The following RNF19A variants were observed in gnomAD, a reference collection of about 807,000 sequenced individuals.
The protein encoded by RNF19A is E3 ubiquitin-protein ligase RNF19A.
Under a neutral mutation model 75.7 loss-of-function variants are expected in RNF19A, and 32 were observed. The observed-to-expected ratio is 0.42, with a 90% CI of 0.32 to 0.57. The LOEUF (loss-of-function observed/expected upper bound fraction) is 0.57, where lower values mean the gene tolerates loss of function less well. Ranked by LOEUF, RNF19A falls within the 20% of genes least tolerant of loss-of-function variation. The probability of loss-of-function intolerance (pLI) is 0.10; values close to 1 mark genes in which losing one functional copy is unlikely to be tolerated. For synonymous variants in RNF19A, 335 were observed against 345.2 expected, an observed-to-expected ratio of 0.97 and a Z score of 0.33; for missense variants, 782 against 1,036.3, an observed-to-expected ratio of 0.75 and a Z score of 3.37.
intron 1 of RNF19A, among the ~76,000 whole-genome samples, chr8:100,293,401 C>A (rs1049828013): frequency 1.1e-4 from 16 of 152,168 alleles, no homozygotes; most frequent in South Asian, 2.1e-4. Context: ...TATCTTTATC[C>A]TTTCAGGACT....
At chr8:100,335,143 T>C (rs1449928040) in intron 1 of RNF19A, among the ~76,000 whole-genome samples, 2 of 152,248 alleles carry the variant, frequency 1.3e-5, no homozygotes, top group Admixed American at 6.5e-5. Flanking sequence ...TCAACCATTA[T>C]AAAAACTCTA....
chr8:100,271,735 T>C (rs906749268), intron 3 of RNF19A, among the ~76,000 whole-genome samples: 3 of 152,234 alleles, frequency 2.0e-5, no homozygotes, highest in African/African-American at 7.2e-5. Context: ...TATTTATCTA[T>C]GAAAGGCTGT....
At chr8:100,282,426 T>C (rs999056457) in intron 2 of RNF19A, among the ~76,000 whole-genome samples, 1 of 152,184 alleles carries the variant, frequency 6.6e-6, no homozygotes, top group African/African-American at 2.4e-5. Context: ...TATTTAATTA[T>C]TTAGTGTTAA....
chr8:100,291,971 T>TTC (rs1346453929), intron 1 of RNF19A, among the ~76,000 whole-genome samples: 8 of 132,974 alleles, frequency 6.0e-5, no homozygotes, highest in Non-Finnish European at 1.0e-4. Context: ...CTAAGTCTTT[T>TTC]TTTTTTTTTT....
At position 100,258,477 on chromosome 8, in the gene RNF19A, A is replaced by C. The variant is rs1290467764; in HGVS notation, c.*79T>G. On this transcript the variant is annotated 3_prime_UTR_variant, in exon 10 of 10. Transcript: ENST00000341084. This position sits in a 1 kb window ranked among gnomAD's most constrained non-coding sequence, Gnocchi z 4.3. Reference sequence around the variant, plus strand: ...AAACCCGGCTTTTGCTGGTAACCTGAAACTTAAGTAGTCACATGTAGTTCA... The same window carrying C: ...AAACCCGGCTTTTGCTGGTAACCTGCAACTTAAGTAGTCACATGTAGTTCA... 1.7e-6 allele frequency: 2 copies of C among 1,203,800 alleles called. No homozygotes were observed. Among genetic ancestry groups the C allele is most frequent in the African/African-American group, 3.1e-5 (2 of 65,380 alleles). The allele number at this position is 1,203,800 out of a possible 1,614,324, so 74.6% of individuals were successfully genotyped here.
chr8:100,311,532 C>T (rs2130280843), upstream of RNF19A, among the ~76,000 whole-genome samples: 1 of 152,068 alleles, frequency 6.6e-6, no homozygotes, highest in Non-Finnish European at 1.5e-5. Flanking sequence ...TCCTGGCTAA[C>T]ATAGTGAAAC....
In RNF19A at chr8:100,258,372, CT is replaced by C; in HGVS notation, c.*183del. 1.8e-6 allele frequency: 1 copy of C among 543,920 alleles called. No homozygotes were observed. The highest frequency in any genetic ancestry group is 3.2e-6 in the Non-Finnish European group (1 of 311,052). The allele number at this position is 543,920 out of a possible 1,614,324, so 33.7% of individuals were successfully genotyped here. A position where few individuals can be genotyped will look rare whatever the true frequency, so the allele number is the denominator to read the frequency against. ...AAATAATGCACTTTTAAAGCCTTCACTTCATAGTTTGGTAACTAAGATCCAC... is the reference window on the plus strand; with the variant it reads ...AAATAATGCACTTTTAAAGCCTTCACTCATAGTTTGGTAACTAAGATCCAC... On this transcript the variant is annotated 3_prime_UTR_variant, in exon 10 of 10. Coordinates refer to ENST00000341084, the MANE Select transcript of RNF19A (RefSeq NM_183419.4). The surrounding 1 kb of genome is among the most constrained non-coding windows in gnomAD (Gnocchi z 4.3).
chr8:100,304,633 C>T (rs1193445459), intron 1 of RNF19A, among the ~76,000 whole-genome samples: 1 of 152,178 alleles, frequency 6.6e-6, no homozygotes, highest in Admixed American at 6.5e-5. Context: ...TTTGTTCAGG[C>T]AATATTAAAT....
At chr8:100,309,424 A>G (rs1310195124) in intron 1 of RNF19A, 3 of 985,372 alleles carry the variant, frequency 3.0e-6, no homozygotes, top group Non-Finnish European at 3.6e-6. Flanking sequence ...ACCCGTCAGG[A>G]ATGCGTTCCG....
At position 100,269,636 on chromosome 8, in the gene RNF19A, ACTTACTAG is replaced by A. The variant is rs1431800806; in HGVS notation, c.1028+225_1028+232del. On this transcript the variant is annotated intron_variant, in intron 4 of 9. Coordinates refer to ENST00000341084, the MANE Select transcript of RNF19A (RefSeq NM_183419.4). This position sits in a 1 kb window ranked among gnomAD's most constrained non-coding sequence, Gnocchi z 5.7. ...AGCATAATTACACAGGGTATTACAT[ACTTACTAG>A]CATTCTAGTTTAACAAAAACAAAAA... 1.3e-5 allele frequency among the ~76,000 whole-genome samples: 2 copies of A among 152,144 alleles called. No individual in the cohort carries two copies. Among genetic ancestry groups the A allele is most frequent in the Admixed American group, 6.5e-5 (1 of 15,270 alleles).
chr8:100,333,912 T>C lies in RNF19A; in HGVS notation c.-243+2196A>G, dbSNP rs1822642373. Among the ~76,000 whole-genome samples the C allele has an allele frequency of 1.3e-5, 2 of 152,242 alleles. No homozygotes were observed. Among genetic ancestry groups the C allele is most frequent in the African/African-American group, 2.4e-5 (1 of 41,464 alleles). ...TCCCTACAGCATGATGTTTAAATTA[T>C]TCAGTCTAGTACCCCGATATTCTAA... On this transcript the variant is annotated intron_variant, in intron 1 of 3. Transcript: ENST00000519527. This position sits in a 1 kb window ranked among gnomAD's most constrained non-coding sequence, Gnocchi z 4.7.
At position 100,269,815 on chromosome 8, in the gene RNF19A, G is replaced by T; in HGVS notation, c.1028+54C>A. ...ACCCAAATTTAAGACAAGTTATTTTGTCTTACAATATAAAATTACATTTAC... is the reference window on the plus strand; with the variant it reads ...ACCCAAATTTAAGACAAGTTATTTTTTCTTACAATATAAAATTACATTTAC... On this transcript the variant is annotated intron_variant, in intron 4 of 9. Coordinates refer to ENST00000341084, the MANE Select transcript of RNF19A (RefSeq NM_183419.4). The surrounding 1 kb of genome is among the most constrained non-coding windows in gnomAD (Gnocchi z 5.7). 1.5e-6 allele frequency: 2 copies of T among 1,377,142 alleles called. No homozygotes were observed. The highest frequency in any genetic ancestry group is 1.9e-6 in the Non-Finnish European group (2 of 1,034,148). 85.3% of individuals were successfully genotyped at this position (1,377,142 alleles called of 1,614,324 possible). A position where few individuals can be genotyped will look rare whatever the true frequency, so the allele number is the denominator to read the frequency against.
intron 1 of RNF19A, among the ~76,000 whole-genome samples, chr8:100,326,379 C>A (rs372621404): frequency 6.6e-6 from 1 of 152,158 alleles, no homozygotes; most frequent in African/African-American, 2.4e-5. Context: ...ATTTTCCATT[C>A]TTCTAAGTCC....
chr8:100,309,209 T>C (rs545330835), intron 1 of RNF19A: 1 of 630,692 alleles, frequency 1.6e-6, no homozygotes, highest in South Asian at 7.0e-5. Flanking sequence ...AAGACCCCCG[T>C]TAACACATAC....
chr8:100,262,733 T>C (rs977940461), intron 7 of RNF19A, among the ~76,000 whole-genome samples: 2 of 152,098 alleles, frequency 1.3e-5, no homozygotes, highest in African/African-American at 2.4e-5. Flanking sequence ...AGCTGAGAAG[T>C]TGATACAGCA....
chr8:100,294,541 C>T (rs1382372633), intron 1 of RNF19A, among the ~76,000 whole-genome samples: 1 of 152,096 alleles, frequency 6.6e-6, no homozygotes, highest in Non-Finnish European at 1.5e-5. Context: ...CCATAACTCC[C>T]TCCTTTCTGC....
At chr8:100,306,334 A>G (rs572107014) in intron 1 of RNF19A, among the ~76,000 whole-genome samples, 1 of 152,234 alleles carries the variant, frequency 6.6e-6, no homozygotes, top group Admixed American at 6.5e-5. Flanking sequence ...CTTCTGTCAT[A>G]TTGAGAGTTT....
chr8:100,303,761 TAA>T (rs60110792), intron 1 of RNF19A, among the ~76,000 whole-genome samples: 1,273 of 94,350 alleles, frequency 0.013, 19 homozygotes, highest in African/African-American at 0.048. Flanking sequence ...TCGCCGCTTG[TAA>T]AAAAAAAAAA....
At chr8:100,281,412 CTTAAA>C (rs542825918) in intron 2 of RNF19A, among the ~76,000 whole-genome samples, 319 of 152,134 alleles carry the variant, frequency 2.1e-3, no homozygotes, top group African/African-American at 6.9e-3. Context: ...TCTTAATTTA[CTTAAA>C]TTAAGTCATT....
Sources: allele counts gnomAD v4.1 joint callset (sites outside exome capture counted in the v4.1 genomes callset), GRCh38; gene constraint gnomAD v4.1.1; non-coding constraint Gnocchi (gnomAD v3.1); transcripts MANE v1.5; gene names NCBI Gene and HGNC (gene_info 2026-07-23, HGNC 2026-07-21).